The following CACNA1C variants were observed in gnomAD, a reference collection of about 807,000 sequenced individuals.
CACNA1C encodes voltage-dependent L-type calcium channel subunit alpha-1C.
Under a neutral mutation model 229.0 loss-of-function variants are expected in CACNA1C, and 30 were observed. That is an observed-to-expected ratio of 0.13 (90% CI 0.10 to 0.18). CACNA1C has a LOEUF of 0.18. CACNA1C is among the 10% of genes least tolerant of loss of function. CACNA1C has a pLI of 1.00. For synonymous variants in CACNA1C, 1,114 were observed against 1,132.5 expected, an observed-to-expected ratio of 0.98 and a Z score of 0.33; for missense variants, 1,658 against 2,845.0, an observed-to-expected ratio of 0.58 and a Z score of 9.49.
chr12:2,238,445 G>A (rs1208200656), intron 3 of CACNA1C, among the ~76,000 whole-genome samples: 1 of 152,202 alleles, frequency 6.6e-6, no homozygotes, highest in Non-Finnish European at 1.5e-5. Flanking sequence ...TTGAGATAGT[G>A]GTGAACAGTA....
At chr12:2,340,390 C>T (rs1420491965) in intron 3 of CACNA1C, among the ~76,000 whole-genome samples, 1 of 152,210 alleles carries the variant, frequency 6.6e-6, no homozygotes, top group Non-Finnish European at 1.5e-5. Flanking sequence ...CCCATGCCAA[C>T]AGGCTGAGCA....
intron 3 of CACNA1C, among the ~76,000 whole-genome samples, chr12:2,336,698 C>T (rs2096707310): frequency 6.6e-6 from 1 of 152,150 alleles, no homozygotes; most frequent in Admixed American, 6.5e-5. Flanking sequence ...AGAGCTGGTG[C>T]TGCTAGCTGG....
chr12:2,076,108 G>A lies in CACNA1C; in HGVS notation c.49+22497G>A, dbSNP rs551116819. ...GTTTGGAATTGTCGCTGTCTGCACT[G>A]CAGTAAAACAAGACTCGCCTGGATC... On this transcript the variant is annotated intron_variant, in intron 1 of 46. Transcript: ENST00000399655. 5.3e-5 allele frequency among the ~76,000 whole-genome samples: 8 copies of A among 152,262 alleles called. No homozygotes were observed. The East Asian group carries it at 1.5e-3, about 29-fold the overall frequency.
At chr12:2,296,685 A>G (rs1235968551) in intron 3 of CACNA1C, among the ~76,000 whole-genome samples, 1 of 152,146 alleles carries the variant, frequency 6.6e-6, no homozygotes, top group African/African-American at 2.4e-5. Flanking sequence ...AGGAGTGAGG[A>G]TAAGGGAAAG....
intron 9 of CACNA1C, among the ~76,000 whole-genome samples, chr12:2,530,311 T>G (rs555825941): frequency 6.6e-6 from 1 of 152,356 alleles, no homozygotes; most frequent in East Asian, 1.9e-4. Flanking sequence ...GGGATGACAT[T>G]TGTCATTAGA....
At chr12:2,114,366 G>T (rs1014585529) in intron 1 of CACNA1C, among the ~76,000 whole-genome samples, 2 of 152,188 alleles carry the variant, frequency 1.3e-5, no homozygotes, top group African/African-American at 4.8e-5. Context: ...ACAGTCAGGG[G>T]GATGCAACGT....
chr12:2,352,294 G>T (rs1195686601), intron 3 of CACNA1C, among the ~76,000 whole-genome samples: 1 of 152,186 alleles, frequency 6.6e-6, no homozygotes, highest in Non-Finnish European at 1.5e-5. Flanking sequence ...TTGTCAGAAG[G>T]TCTGTATGGT....
intron 15 of CACNA1C, among the ~76,000 whole-genome samples, chr12:2,583,807 C>G (rs529332686): frequency 3.3e-5 from 5 of 152,240 alleles, no homozygotes; most frequent in Non-Finnish European, 5.9e-5. Flanking sequence ...GACAAAGCCC[C>G]TCTTCCCCAG....
chr12:2,545,103 G>A (rs367608344), intron 9 of CACNA1C, among the ~76,000 whole-genome samples: 30 of 152,140 alleles, frequency 2.0e-4, no homozygotes, highest in African/African-American at 5.5e-4. Flanking sequence ...TGAGCTGGTC[G>A]TTGCTGGTTG....
intron 9 of CACNA1C, among the ~76,000 whole-genome samples, chr12:2,546,024 C>T (rs888465376): frequency 6.6e-6 from 1 of 152,244 alleles, no homozygotes; most frequent in Non-Finnish European, 1.5e-5. Flanking sequence ...TTCTCCCGTG[C>T]AGTGGCTGGT....
chr12:2,021,098 AT>A (rs2046365854), intron 1 of CACNA1C, among the ~76,000 whole-genome samples: 1 of 152,234 alleles, frequency 6.6e-6, no homozygotes, highest in Non-Finnish European at 1.5e-5. Flanking sequence ...CTAATCACTA[AT>A]TATCACTCAG....
At chr12:2,160,936 C>T (rs1035590941) in intron 3 of CACNA1C, among the ~76,000 whole-genome samples, 1 of 152,240 alleles carries the variant, frequency 6.6e-6, no homozygotes, top group African/African-American at 2.4e-5. Flanking sequence ...ATTCTCCTGC[C>T]TCAGCCTCCT....
chr12:2,162,575 A>G (rs1258579286), intron 3 of CACNA1C, among the ~76,000 whole-genome samples: 1 of 152,100 alleles, frequency 6.6e-6, no homozygotes, highest in Non-Finnish European at 1.5e-5. Context: ...TAGTTATAAT[A>G]GCTACTCCTT....
intron 9 of CACNA1C, among the ~76,000 whole-genome samples, chr12:2,543,674 C>T (rs1003913978): frequency 6.6e-6 from 1 of 152,086 alleles, no homozygotes; most frequent in African/African-American, 2.4e-5. Context: ...ATGCAGTGCC[C>T]CAAAAGAAAG....
intron 1 of CACNA1C, among the ~76,000 whole-genome samples, chr12:2,014,660 T>C (rs922743601): frequency 1.3e-5 from 2 of 152,198 alleles, no homozygotes; most frequent in Middle Eastern, 3.2e-3. Flanking sequence ...TTTCTTTACA[T>C]GAATTGCCAA....
rs1306390234 is a variant in CACNA1C at position 2,634,335 on chromosome 12, G to C, written c.3867G>C (p.Leu1289Phe). 2 of 1,583,862 alleles carry C rather than the reference G, an allele frequency of 1.3e-6. No homozygotes were observed. The highest frequency in any genetic ancestry group is 1.7e-6 in the Non-Finnish European group (2 of 1,163,128). The change falls in exon 30 of 47, where the codon TTG (leucine) becomes TTC (phenylalanine). Residue 1289 changes from leucine to phenylalanine, a missense_variant. Coordinates refer to ENST00000399655, the MANE Select transcript of CACNA1C (RefSeq NM_000719.7). Reference protein sequence around the residue: ...FCDAWNTFDALIVVGSIVDIA... With the variant: ...FCDAWNTFDAFIVVGSIVDIA... ...ATGCATGGAATACATTTGACGCCTT[G>C]ATTGTTGTGGGTAGCATTGTTGATA...
chr12:2,419,586 T>A (rs1183033383), intron 3 of CACNA1C, among the ~76,000 whole-genome samples: 1 of 152,128 alleles, frequency 6.6e-6, no homozygotes, highest in African/African-American at 2.4e-5. Flanking sequence ...CAAATTAGAC[T>A]CGTTAGGGCA....
At position 2,053,690 on chromosome 12, in the gene CACNA1C, C is replaced by T. The variant is rs2053120556; in HGVS notation, c.49+79C>T. The T allele has an allele frequency of 1.4e-6, 2 of 1,447,674 alleles. No homozygotes were observed. Among genetic ancestry groups the T allele is most frequent in the South Asian group, 2.8e-5 (2 of 71,086 alleles). 89.7% of individuals were successfully genotyped at this position (1,447,674 alleles called of 1,614,324 possible). On this transcript the variant is annotated intron_variant, in intron 1 of 46. Coordinates refer to ENST00000399655, the MANE Select transcript of CACNA1C (RefSeq NM_000719.7). This position sits in a 1 kb window ranked among gnomAD's most constrained non-coding sequence, Gnocchi z 5.8. Reference sequence around the variant, plus strand: ...CCTGCCCTACCCGCGCTCCCCGCGGCCCCGGGGCCGGTCCCTGCGGAGTGG... The same window carrying T: ...CCTGCCCTACCCGCGCTCCCCGCGGTCCCGGGGCCGGTCCCTGCGGAGTGG...
At chr12:2,356,934 T>C (rs1450469042) in intron 3 of CACNA1C, among the ~76,000 whole-genome samples, 2 of 152,094 alleles carry the variant, frequency 1.3e-5, no homozygotes, top group Non-Finnish European at 2.9e-5. Flanking sequence ...AAACTCAGAG[T>C]CCATGCCTTG....
Sources: gnomAD v4.1 joint callset for allele counts (sites outside exome capture counted in the v4.1 genomes callset) on GRCh38, gnomAD v4.1.1 for gene constraint, Gnocchi (gnomAD v3.1) non-coding constraint, MANE v1.5 for transcripts, NCBI Gene and HGNC (gene_info 2026-07-23, HGNC 2026-07-21) for gene names.